Variants in LMX1A observed in about 807,000 individuals in gnomAD.
LMX1A encodes the protein LIM homeobox transcription factor 1-alpha.
Under a neutral mutation model 49.1 loss-of-function variants are expected in LMX1A, and 15 were observed. That is an observed-to-expected ratio of 0.31 (90% CI 0.20 to 0.47). The LOEUF (loss-of-function observed/expected upper bound fraction) is 0.47. LMX1A is among the 20% of genes least tolerant of loss of function. The pLI is 1.00. For synonymous variants in LMX1A, 167 were observed against 185.7 expected (o/e 0.90, Z 0.82); for missense variants, 372 against 475.8 (o/e 0.78, Z 2.03).
At position 165,355,916 on chromosome 1, in the gene LMX1A, A is replaced by C. The variant is rs548571983; in HGVS notation, c.-22-335T>G. Among the ~76,000 whole-genome samples the C allele has an allele frequency of 6.6e-6, 1 of 152,106 alleles. No individual in the cohort carries two copies. Among genetic ancestry groups the C allele is most frequent in the Non-Finnish European group, 1.5e-5 (1 of 68,018 alleles). On this transcript the variant is annotated intron_variant, in intron 1 of 8. Coordinates refer to ENST00000342310, the MANE Select transcript of LMX1A (RefSeq NM_177398.4). The surrounding 1 kb of genome is among the most constrained non-coding windows in gnomAD (Gnocchi z 4.7). ...TCCGACTCCGCCCCAACCTATACGA[A>C]GGTGGGCCCTCGGGACGTCTCTGCA...
At chr1:165,240,529 C>A (rs981733679) in intron 4 of LMX1A, among the ~76,000 whole-genome samples, 2 of 152,124 alleles carry the variant, frequency 1.3e-5, no homozygotes, top group African/African-American at 4.8e-5. Flanking sequence ...CTTTCTTTTT[C>A]TGCAACTAAA....
At chr1:165,232,998 A>C (rs1652287969) in intron 4 of LMX1A, among the ~76,000 whole-genome samples, 1 of 152,148 alleles carries the variant, frequency 6.6e-6, no homozygotes, top group South Asian at 2.1e-4. Flanking sequence ...AAGTCCCAAT[A>C]CTTATGTATA....
intron 5 of LMX1A, among the ~76,000 whole-genome samples, chr1:165,212,516 G>GTTT (rs5778429): frequency 2.7e-5 from 4 of 149,426 alleles, no homozygotes; most frequent in Non-Finnish European, 4.4e-5. Context: ...CTTTTTGTTT[G>GTTT]TTTTTTTTTT....
chr1:165,251,007 G>A (rs757733276), intron 3 of LMX1A, among the ~76,000 whole-genome samples: 2 of 141,460 alleles, frequency 1.4e-5, no homozygotes, highest in Non-Finnish European at 3.1e-5. Context: ...AAGGTGACAG[G>A]TGAGGTTAAG....
intron 3 of LMX1A, among the ~76,000 whole-genome samples, chr1:165,279,614 T>G (rs980469123): frequency 5.9e-5 from 9 of 152,204 alleles, no homozygotes; most frequent in African/African-American, 2.2e-4. Flanking sequence ...ATGGGGCTGA[T>G]GCTGCCTGTC....
chr1:165,262,241 T>C (rs1240322167), intron 3 of LMX1A, among the ~76,000 whole-genome samples: 1 of 152,128 alleles, frequency 6.6e-6, no homozygotes, highest in Non-Finnish European at 1.5e-5. Flanking sequence ...AAAGCTACTG[T>C]TTTCTTAATA....
intron 3 of LMX1A, among the ~76,000 whole-genome samples, chr1:165,336,575 A>T (rs1413322523): frequency 6.6e-6 from 1 of 152,138 alleles, no homozygotes; most frequent in African/African-American, 2.4e-5. Flanking sequence ...GCCTTGCTCT[A>T]CCCCTACTCC....
chr1:165,286,608 A>G (rs1051545339), intron 3 of LMX1A, among the ~76,000 whole-genome samples: 2 of 152,222 alleles, frequency 1.3e-5, no homozygotes, highest in African/African-American at 4.8e-5. Flanking sequence ...CCCACCAAGT[A>G]CCAGACACCA....
At chr1:165,319,449 G>C (rs1571220857) in intron 3 of LMX1A, among the ~76,000 whole-genome samples, 1 of 151,974 alleles carries the variant, frequency 6.6e-6, no homozygotes, top group African/African-American at 2.4e-5. Context: ...ATGTTAATAT[G>C]CTTTATGCTA....
At chr1:165,238,602 CG>C (rs1236325001) in intron 4 of LMX1A, among the ~76,000 whole-genome samples, 36 of 152,158 alleles carry the variant, frequency 2.4e-4, no homozygotes, top group Admixed American at 2.4e-3. Flanking sequence ...ATTTTGAACG[CG>C]TGTGTAAACT....
intron 4 of LMX1A, among the ~76,000 whole-genome samples, chr1:165,230,250 C>T (rs1275139575): frequency 6.6e-6 from 1 of 152,208 alleles, no homozygotes; most frequent in Non-Finnish European, 1.5e-5. Flanking sequence ...CCTGAGCAGA[C>T]AAAAACAGGA....
In LMX1A at chr1:165,356,536, C is replaced by A. The variant is rs187905560; in HGVS notation, c.-204G>T. ...CGCTGGCTCTGCTCCTCGGCGCGCC[C>A]AGGCTGGGCCGGGACGTGGTCGCGA... On this transcript the variant is annotated 5_prime_UTR_variant, in exon 1 of 9. Transcript: ENST00000342310. 1 of 152,298 alleles carries A rather than the reference C, an allele frequency of 6.6e-6. No homozygotes were observed. The highest frequency in any genetic ancestry group is 2.1e-4 in the South Asian group (1 of 4,828). The allele number at this position is 152,298 out of a possible 1,614,324, so 9.4% of individuals were successfully genotyped here. A position where few individuals can be genotyped will look rare whatever the true frequency, so the allele number is the denominator to read the frequency against.
intron 3 of LMX1A, among the ~76,000 whole-genome samples, chr1:165,325,792 G>A (rs1053953703): frequency 1.3e-5 from 2 of 152,156 alleles, no homozygotes; most frequent in African/African-American, 4.8e-5. Flanking sequence ...AATAAGCCAG[G>A]AGAGTTAATA....
chr1:165,305,827 C>T (rs954209123), intron 3 of LMX1A, among the ~76,000 whole-genome samples: 6 of 152,120 alleles, frequency 3.9e-5, no homozygotes, highest in African/African-American at 1.4e-4. Flanking sequence ...AGAGTTAGGG[C>T]CAATGAGATA....
chr1:165,306,353 G>C (rs1159428274), intron 3 of LMX1A, among the ~76,000 whole-genome samples: 1 of 152,192 alleles, frequency 6.6e-6, no homozygotes. Context: ...GTGAGTAAAT[G>C]TGAGTGTGTG....
intron 4 of LMX1A, among the ~76,000 whole-genome samples, chr1:165,231,631 T>C (rs1652244733): frequency 6.6e-6 from 1 of 152,246 alleles, no homozygotes; most frequent in South Asian, 2.1e-4. Flanking sequence ...GAAGAGAGTT[T>C]TAAATTATAT....
At chr1:165,270,045 T>TA (rs901406248) in intron 3 of LMX1A, among the ~76,000 whole-genome samples, 7 of 151,556 alleles carry the variant, frequency 4.6e-5, no homozygotes, top group Admixed American at 1.3e-4. Context: ...CCCCAAAACT[T>TA]AAAAAAAATA....
chr1:165,350,173 C>CAAAAAAAAAAAAAAAAAAAAAA (rs60150264), intron 3 of LMX1A, among the ~76,000 whole-genome samples: 2 of 80,210 alleles, frequency 2.5e-5, no homozygotes, highest in Non-Finnish European at 2.3e-5. Flanking sequence ...AAAGATCCAC[C>CAAAAAAAAAAAAAAAAAAAAAA]AAAAAAAAAA....
intron 3 of LMX1A, among the ~76,000 whole-genome samples, chr1:165,352,551 C>G (rs1656460969): frequency 1.3e-5 from 2 of 152,258 alleles, no homozygotes; most frequent in South Asian, 4.1e-4. Context: ...CGGACTCCAG[C>G]GAACAAACCC....
Sources: gnomAD v4.1 joint callset for allele counts (sites outside exome capture counted in the v4.1 genomes callset) on GRCh38, gnomAD v4.1.1 for gene constraint, Gnocchi (gnomAD v3.1) non-coding constraint, MANE v1.5 for transcripts, NCBI Gene and HGNC (gene_info 2026-07-23, HGNC 2026-07-21) for gene names.